The following MARCHF1 variants were observed in gnomAD, a reference collection of about 807,000 sequenced individuals.
MARCHF1 encodes E3 ubiquitin-protein ligase MARCHF1.
MARCHF1 carries 40 observed loss-of-function variants against 54.2 expected under a neutral mutation model. The observed-to-expected ratio is 0.74, with a 90% CI of 0.57 to 0.96. The LOEUF is 0.96. Among genes scored for constraint, MARCHF1 ranks in the 40% least tolerant of loss-of-function variants. The probability of loss-of-function intolerance (pLI) is 0.00; values close to 1 mark genes in which losing one functional copy is unlikely to be tolerated. For missense variants in MARCHF1, 586 were observed against 656.5 expected (o/e 0.89, Z 1.17); for synonymous variants, 236 against 236.3 (o/e 1.00, Z 0.01).
At chr4:164,049,404 A>G (rs1206294603) in intron 2 of MARCHF1, among the ~76,000 whole-genome samples, 2 of 152,080 alleles carry the variant, frequency 1.3e-5, no homozygotes, top group Non-Finnish European at 2.9e-5. Context: ...AACCATATCA[A>G]TTCATCTCAA....
At chr4:163,863,261 G>C (rs1244241820) in intron 3 of MARCHF1, among the ~76,000 whole-genome samples, 1 of 152,078 alleles carries the variant, frequency 6.6e-6, no homozygotes, top group Non-Finnish European at 1.5e-5. Flanking sequence ...ACTGAAGATG[G>C]TGAGGGAAAA....
rs1553988656 is a variant in MARCHF1 at position 163,527,386 on chromosome 4, C to CAAG, written c.*1359_*1361dup. On this transcript the variant is annotated 3_prime_UTR_variant, in exon 10 of 10. Coordinates refer to ENST00000514618, the MANE Select transcript of MARCHF1 (RefSeq NM_001394959.1). ...TTAGTCATAATTACTCATCATCTGT[C>CAAG]AAGTTGACACCTCATATGGATGAAA... is the stretch of plus-strand genomic sequence containing the variant. The CAAG allele has an allele frequency of 6.6e-6, 1 of 152,086 alleles. No individual in the cohort carries two copies. Among genetic ancestry groups the CAAG allele is most frequent in the Non-Finnish European group, 1.5e-5 (1 of 67,972 alleles). 9.4% of individuals were successfully genotyped at this position (152,086 alleles called of 1,614,324 possible). A position where few individuals can be genotyped will look rare whatever the true frequency, so the allele number is the denominator to read the frequency against.
At chr4:163,957,077 T>G (rs962285688) in intron 3 of MARCHF1, among the ~76,000 whole-genome samples, 1 of 152,034 alleles carries the variant, frequency 6.6e-6, no homozygotes, top group Non-Finnish European at 1.5e-5. Flanking sequence ...TATATAAAGG[T>G]AAACAATAGA....
intron 1 of MARCHF1, among the ~76,000 whole-genome samples, chr4:164,305,809 T>C (rs961556361): frequency 1.5e-4 from 23 of 152,142 alleles, no homozygotes; most frequent in Non-Finnish European, 2.6e-4. Context: ...ACGAAGAATA[T>C]GCTAATTAGC....
intron 1 of MARCHF1, among the ~76,000 whole-genome samples, chr4:164,349,288 T>C (rs531115584): frequency 6.6e-6 from 1 of 150,646 alleles, no homozygotes; most frequent in African/African-American, 2.4e-5. Flanking sequence ...GAATGTTTTC[T>C]GCTCTATCTC....
In MARCHF1 at chr4:163,767,091, G is replaced by A. The variant is rs376591713; in HGVS notation, c.112-66228C>T. Among the ~76,000 whole-genome samples, 6 of 120,274 alleles carry A rather than the reference G, an allele frequency of 5.0e-5. No homozygotes were observed. In the East Asian group the frequency reaches 1.2e-3, roughly 24 times the overall value. 78.9% of individuals were successfully genotyped at this position (120,274 alleles called of 152,430 possible). On this transcript the variant is annotated intron_variant, in intron 4 of 9. Transcript: ENST00000514618. ...CTGTCTTTTTTTCAGATAAGGATAC[G>A]GCGATGTAAAAAAAAAAAAAAAAAA...
intron 1 of MARCHF1, among the ~76,000 whole-genome samples, chr4:164,130,610 T>G (rs923827822): frequency 6.6e-6 from 1 of 151,774 alleles, no homozygotes; most frequent in African/African-American, 2.4e-5. Context: ...TAACAAAGAG[T>G]TTTTATAAGA....
intron 3 of MARCHF1, among the ~76,000 whole-genome samples, chr4:163,929,922 TATA>T (rs1560823576): frequency 9.8e-6 from 1 of 101,924 alleles, no homozygotes; most frequent in African/African-American, 3.6e-5. Flanking sequence ...ATATATAATA[TATA>T]TAATATATTA....
intron 3 of MARCHF1, among the ~76,000 whole-genome samples, chr4:163,884,151 T>C (rs1750480134): frequency 6.6e-6 from 1 of 152,114 alleles, no homozygotes; most frequent in Non-Finnish European, 1.5e-5. Context: ...GTGGCGTAGC[T>C]CAGGGAACTG....
chr4:163,757,044 A>G (rs1746697968), intron 4 of MARCHF1, among the ~76,000 whole-genome samples: 2 of 152,228 alleles, frequency 1.3e-5, no homozygotes, highest in Admixed American at 6.5e-5. Context: ...GAATCACACT[A>G]AAAATGAAAA....
intron 4 of MARCHF1, among the ~76,000 whole-genome samples, chr4:163,832,018 C>G (rs1228943538): frequency 6.6e-6 from 1 of 151,980 alleles, no homozygotes; most frequent in Non-Finnish European, 1.5e-5. Flanking sequence ...AAGCAAAGCT[C>G]AAAACAGATT....
At chr4:163,851,735 T>A (rs989951649) in intron 4 of MARCHF1, among the ~76,000 whole-genome samples, 2 of 152,224 alleles carry the variant, frequency 1.3e-5, no homozygotes, top group African/African-American at 4.8e-5. Context: ...TGCAACTCAG[T>A]TGGGCCTGAA....
At chr4:163,977,275 G>A (rs909452912) in intron 3 of MARCHF1, among the ~76,000 whole-genome samples, 8 of 152,066 alleles carry the variant, frequency 5.3e-5, no homozygotes, top group African/African-American at 1.9e-4. Context: ...TGCCAAGAAT[G>A]TATAAGCATA....
Position 164,189,625 on chromosome 4 carries a change from G to C in MARCHF1, c.-322-77963C>G, listed in dbSNP as rs986883981. ...AGATACAGGTGACCTGGTAGTGCTT[G>C]ATGTATGTCCCCTTACATTTGGTAT... On this transcript the variant is annotated intron_variant, in intron 1 of 9. Transcript: ENST00000514618. 7 of 915,658 alleles carry C rather than the reference G, an allele frequency of 7.6e-6. No homozygotes were observed. In the African/African-American group the frequency reaches 1.1e-4, roughly 14 times the overall value. 56.7% of individuals were successfully genotyped at this position (915,658 alleles called of 1,614,324 possible). A position where few individuals can be genotyped will look rare whatever the true frequency, so the allele number is the denominator to read the frequency against.
At position 163,747,886 on chromosome 4, in the gene MARCHF1, C is replaced by T. The variant is rs185000785; in HGVS notation, c.112-47023G>A. Among the ~76,000 whole-genome samples, 212 of 152,214 alleles carry T rather than the reference C, an allele frequency of 1.4e-3. 1 individual carries two copies. The highest frequency in any genetic ancestry group is 4.9e-3 in the African/African-American group (205 of 41,530). The stretch of plus-strand genomic sequence containing the variant: ...AAATGAGTACTCAGACACAGGTATG[C>T]GGTATAAGAGCAGCTAGGTGACTGT... On this transcript the variant is annotated intron_variant, in intron 4 of 9. Transcript: ENST00000514618.
intron 8 of MARCHF1, among the ~76,000 whole-genome samples, chr4:163,548,160 T>C (rs1738974383): frequency 6.6e-6 from 1 of 152,214 alleles, no homozygotes; most frequent in African/African-American, 2.4e-5. Flanking sequence ...CATATAATCA[T>C]AGAATATTAT....
chr4:163,983,723 A>G (rs1752805974), intron 3 of MARCHF1, among the ~76,000 whole-genome samples: 1 of 152,138 alleles, frequency 6.6e-6, no homozygotes, highest in Admixed American at 6.5e-5. Flanking sequence ...TTTATTCTCT[A>G]TGGACTTCAA....
At chr4:163,736,635 T>A (rs940055500) in intron 4 of MARCHF1, among the ~76,000 whole-genome samples, 1 of 151,906 alleles carries the variant, frequency 6.6e-6, no homozygotes, top group African/African-American at 2.4e-5. Context: ...ATACCTAAAT[T>A]CAGTAGAATA....
chr4:164,362,797 C>G (rs1311578450), intron 1 of MARCHF1, among the ~76,000 whole-genome samples: 1 of 152,100 alleles, frequency 6.6e-6, no homozygotes, highest in African/African-American at 2.4e-5. Flanking sequence ...ATAGTATCAT[C>G]TATAAATAGA....
Sources: allele counts gnomAD v4.1 joint callset (sites outside exome capture counted in the v4.1 genomes callset), GRCh38; gene constraint gnomAD v4.1.1; transcripts MANE v1.5; gene names NCBI Gene and HGNC (gene_info 2026-07-23, HGNC 2026-07-21).